The following STOX2 variants were observed in gnomAD, a reference collection of about 807,000 sequenced individuals.
The protein encoded by STOX2 is storkhead box 2, also known as storkhead-box protein 2.
In STOX2, 28 loss-of-function variants were observed where a neutral mutation model predicts 60.9. That is an observed-to-expected ratio of 0.46 (90% CI 0.34 to 0.63). The LOEUF is 0.63. STOX2 is among the 30% of genes least tolerant of loss of function. STOX2 has a pLI of 0.01. For missense variants in STOX2, 1,024 were observed against 1,187.7 expected (o/e 0.86, Z 2.03); for synonymous variants, 472 against 463.9 (o/e 1.02, Z -0.22).
chr4:183,996,629 T>C (rs193287630), intron 1 of STOX2, among the ~76,000 whole-genome samples: 16 of 152,344 alleles, frequency 1.1e-4, no homozygotes, highest in Admixed American at 7.8e-4. Context: ...TATGGTAAAC[T>C]TGAATAATGT....
intron 1 of STOX2, among the ~76,000 whole-genome samples, chr4:183,947,436 G>A (rs1179984044): frequency 2.0e-5 from 3 of 152,020 alleles, no homozygotes. Context: ...TGCTTCTCAG[G>A]CAATACACAT....
chr4:183,820,015 A>C (rs1414583510), intron 1 of STOX2, among the ~76,000 whole-genome samples: 1 of 152,242 alleles, frequency 6.6e-6, no homozygotes, highest in African/African-American at 2.4e-5. Flanking sequence ...AATGAATATT[A>C]GTTCATAGTT....
intron 1 of STOX2, among the ~76,000 whole-genome samples, chr4:183,946,397 G>T (rs4862275): frequency 0.85 from 129,348 of 152,084 alleles, 57,800 homozygotes; most frequent in East Asian, 0.99. Context: ...TCATGCCTCG[G>T]TGTCCATGAG....
intron 1 of STOX2, among the ~76,000 whole-genome samples, chr4:183,858,532 A>C (rs189058236): frequency 6.6e-6 from 1 of 152,170 alleles, no homozygotes; most frequent in African/African-American, 2.4e-5. Context: ...TCAGAGATTT[A>C]AAAAAGTTAC....
At position 184,009,388 on chromosome 4, in the gene STOX2, G is replaced by C. The variant is rs1210526157; in HGVS notation, c.550G>C (p.Gly184Arg). 5.6e-6 allele frequency: 9 copies of C among 1,613,986 alleles called. No individual in the cohort carries two copies. The highest frequency in any genetic ancestry group is 7.6e-6 in the Non-Finnish European group (9 of 1,179,892). The part of the protein sequence containing the change: ...QPGTITPSAS[G>R]CVRERTLPRN... ...CGGGACCATCACGCCCTCTGCCTCA[G>C]GCTGTGTCAGGGAAAGGACATTGCC... Residue 184 changes from glycine (G) to arginine (R), a missense_variant, in exon 3 of 4, where the codon GGC (glycine) becomes CGC (arginine). This residue lies in a region of STOX2 where 922 missense variants were observed against 1,058.3 expected (regional missense o/e 0.87). Transcript: ENST00000308497. This position sits in a 1 kb window ranked among gnomAD's most constrained non-coding sequence, Gnocchi z 4.0.
chr4:183,820,532 A>G (rs1451325433), intron 1 of STOX2, among the ~76,000 whole-genome samples: 2 of 152,218 alleles, frequency 1.3e-5, no homozygotes, highest in African/African-American at 4.8e-5. Flanking sequence ...ATTCAATGAG[A>G]TTAAAACCAT....
In STOX2 at chr4:183,806,997, G is replaced by T. The variant is rs1226497501; in HGVS notation, c.364+8942G>T. Among the ~76,000 whole-genome samples the T allele has an allele frequency of 2.6e-5, 4 of 151,416 alleles. No individual in the cohort carries two copies. The highest frequency in any genetic ancestry group is 4.4e-5 in the Non-Finnish European group (3 of 67,942). ...CTTTTTTTCTTTTTTTTTTGAGACG[G>T]AGTCTTGCTCTGTCGCCCAGGCTGG... On this transcript the variant is annotated intron_variant, in intron 1 of 2. Transcript: ENST00000513034. The surrounding 1 kb of genome is among the most constrained non-coding windows in gnomAD (Gnocchi z 4.1).
intron 1 of STOX2, among the ~76,000 whole-genome samples, chr4:183,859,840 G>A (rs895364714): frequency 1.3e-5 from 2 of 152,080 alleles, no homozygotes; most frequent in Admixed American, 6.6e-5. Flanking sequence ...AAAGACTTTT[G>A]ATATCTAGGA....
intron 1 of STOX2, among the ~76,000 whole-genome samples, chr4:183,877,717 G>T (rs545707913): frequency 1.3e-5 from 2 of 152,256 alleles, no homozygotes; most frequent in Non-Finnish European, 1.5e-5. Flanking sequence ...ATCTCGCTCT[G>T]TCTCCCAGGC....
chr4:183,984,198 C>T (rs999571113), intron 1 of STOX2, among the ~76,000 whole-genome samples: 1 of 152,254 alleles, frequency 6.6e-6, no homozygotes, highest in East Asian at 1.9e-4. Context: ...TATCCCTGCT[C>T]ATGGAGCTTA....
intron 1 of STOX2, among the ~76,000 whole-genome samples, chr4:183,800,081 A>G (rs1332413191): frequency 6.6e-6 from 1 of 152,212 alleles, no homozygotes; most frequent in East Asian, 1.9e-4. Flanking sequence ...GGGTGGGTTA[A>G]AAATCTCCAC....
At chr4:184,002,291 A>G (rs541115985) in intron 2 of STOX2, among the ~76,000 whole-genome samples, 2 of 152,380 alleles carry the variant, frequency 1.3e-5, no homozygotes, top group South Asian at 4.1e-4. Flanking sequence ...CAGTTTGCCA[A>G]CTTGGTGTGG....
chr4:183,808,976 T>C (rs1176701312), intron 1 of STOX2, among the ~76,000 whole-genome samples: 1 of 152,236 alleles, frequency 6.6e-6, no homozygotes, highest in South Asian at 2.1e-4. Context: ...ATTGTTTTTC[T>C]AGGGGTAGTG....
At chr4:183,970,608 CG>C (rs1187525818) in intron 1 of STOX2, among the ~76,000 whole-genome samples, 1 of 152,158 alleles carries the variant, frequency 6.6e-6, no homozygotes, top group Non-Finnish European at 1.5e-5. Flanking sequence ...GGAGGATGTT[CG>C]GGTGGCCCCC....
intron 1 of STOX2, among the ~76,000 whole-genome samples, chr4:183,975,492 C>T (rs1428858320): frequency 3.9e-5 from 6 of 151,984 alleles, no homozygotes; most frequent in African/African-American, 1.4e-4. Flanking sequence ...TGAAAGAGGG[C>T]ATATCACTAT....
intron 1 of STOX2, among the ~76,000 whole-genome samples, chr4:183,997,092 GAGAC>G (rs1733374727): frequency 6.6e-6 from 1 of 152,210 alleles, no homozygotes; most frequent in African/African-American, 2.4e-5. Flanking sequence ...TCAAGTGGGT[GAGAC>G]AGACAGTAAA....
In STOX2 at chr4:183,922,351, T is replaced by G. The variant is rs1157341888; in HGVS notation, c.166+15395T>G. On this transcript the variant is annotated intron_variant, in intron 1 of 3. Transcript: ENST00000308497. Reference sequence around the variant, plus strand: ...ATAATGCAAAAGTTACCATCTTAACTTTTTTTTTTTTTTGAGATGGAGTCT... The same window carrying G: ...ATAATGCAAAAGTTACCATCTTAACGTTTTTTTTTTTTTGAGATGGAGTCT... 1.9e-5 allele frequency among the ~76,000 whole-genome samples: 2 copies of G among 103,230 alleles called. 1 individual carries two copies. The highest frequency in any genetic ancestry group is 4.9e-4 in the South Asian group (2 of 4,112). 67.7% of individuals were successfully genotyped at this position (103,230 alleles called of 152,430 possible).
At chr4:183,918,783 TC>T (rs1742005518) in intron 1 of STOX2, among the ~76,000 whole-genome samples, 8 of 152,212 alleles carry the variant, frequency 5.3e-5, no homozygotes, top group Admixed American at 4.6e-4. Flanking sequence ...TGTTAATATT[TC>T]AGCTGCTACG....
At chr4:183,956,449 T>G (rs1743253785) in intron 1 of STOX2, among the ~76,000 whole-genome samples, 1 of 148,484 alleles carries the variant, frequency 6.7e-6, no homozygotes, top group South Asian at 2.1e-4. Context: ...CATCTATCTA[T>G]CTATCTATCT....
Sources: allele counts gnomAD v4.1 joint callset (sites outside exome capture counted in the v4.1 genomes callset), GRCh38; gene constraint gnomAD v4.1.1; regional missense constraint gnomAD v4.1.1; non-coding constraint Gnocchi (gnomAD v3.1); transcripts MANE v1.5; gene names NCBI Gene and HGNC (gene_info 2026-07-23, HGNC 2026-07-21).